PALD1: variants seen among roughly 807,000 people sequenced by gnomAD.
PALD1 encodes the protein phosphatase domain containing paladin 1, also known as paladin.
In PALD1, 57 loss-of-function variants were observed where a neutral mutation model predicts 96.0. The observed-to-expected ratio is 0.59, with a 90% CI of 0.48 to 0.74. The LOEUF is 0.74. Ranked by LOEUF, PALD1 falls within the 30% of genes least tolerant of loss-of-function variation. The probability of loss-of-function intolerance (pLI) is 0.00; values close to 1 mark genes in which losing one functional copy is unlikely to be tolerated. For missense variants in PALD1, 1,063 were observed against 1,143.7 expected (o/e 0.93, Z 1.02); for synonymous variants, 464 against 473.6 (o/e 0.98, Z 0.26).
At chr10:70,515,191 G>A (rs919532665) in intron 1 of PALD1, among the ~76,000 whole-genome samples, 1 of 152,146 alleles carries the variant, frequency 6.6e-6, no homozygotes, top group African/African-American at 2.4e-5. Flanking sequence ...TCAGTCAGGT[G>A]CTAGTGGCCC....
chr10:70,526,134 C>T lies in PALD1; in HGVS notation c.183C>T (p.Ile61=), dbSNP rs755118373. 1 of 1,613,398 alleles carries T rather than the reference C, an allele frequency of 6.2e-7. No individual in the cohort carries two copies. The highest frequency in any genetic ancestry group is 1.3e-5 in the African/African-American group (1 of 74,928). ...CCAACAAGGTGGCCCCTGTTGTGAT[C>T]ACGTGAGTGGCAGGGGGAGTGTGCC... ...IIPNKVAPVV[I]TYNCKEEFQI... is the part of the protein sequence containing the mutation. Residue 61 remains isoleucine (I), a splice_region_variant and synonymous_variant, in exon 2 of 20, where the codon ATC becomes ATT. Transcript: ENST00000263563.
intron 18 of PALD1, among the ~76,000 whole-genome samples, chr10:70,552,597 C>A (rs1261238497): frequency 6.6e-6 from 1 of 150,482 alleles, no homozygotes; most frequent in Non-Finnish European, 1.5e-5. Flanking sequence ...TCAAGCCCTC[C>A]GAGCTCTCAC....
intron 11 of PALD1, 67 bp downstream of exon 11, chr10:70,537,973 T>C: frequency 8.5e-7 from 1 of 1,173,120 alleles, no homozygotes; most frequent in East Asian, 2.4e-5. Flanking sequence ...CCCACCGCAG[T>C]GACTGGCTTG....
In PALD1 at chr10:70,533,126, G is replaced by A. The variant is rs1325586197; in HGVS notation, c.870+56G>A. The A allele has an allele frequency of 2.1e-6, 3 of 1,405,306 alleles. No individual in the cohort carries two copies. In the African/African-American group the frequency reaches 4.3e-5, roughly 20 times the overall value. 87.1% of individuals were successfully genotyped at this position (1,405,306 alleles called of 1,614,324 possible). On this transcript the variant is annotated intron_variant, in intron 7 of 19. Coordinates refer to ENST00000263563, the MANE Select transcript of PALD1 (RefSeq NM_014431.3). Reference sequence around the variant, plus strand: ...GAGTCTTGAGAGTCGTCCCCATGGAGGTGCTCAGGGTGGGCACAGCCTCTC... The same window carrying A: ...GAGTCTTGAGAGTCGTCCCCATGGAAGTGCTCAGGGTGGGCACAGCCTCTC...
At chr10:70,514,480 A>T (rs190975535) in intron 1 of PALD1, among the ~76,000 whole-genome samples, 1 of 152,206 alleles carries the variant, frequency 6.6e-6, no homozygotes, top group Non-Finnish European at 1.5e-5. Flanking sequence ...TAACATTTAG[A>T]TTGGACTCTT....
chr10:70,549,979 C>G (rs77430910), intron 18 of PALD1, among the ~76,000 whole-genome samples: 1,524 of 152,320 alleles, frequency 0.01, 24 homozygotes, highest in African/African-American at 0.034. Flanking sequence ...GACACAGATC[C>G]CTGAGCCCCA....
At chr10:70,501,313 C>T (rs1846290579) in intron 1 of PALD1, among the ~76,000 whole-genome samples, 1 of 152,194 alleles carries the variant, frequency 6.6e-6, no homozygotes, top group African/African-American at 2.4e-5. Context: ...TCTCGGCCTC[C>T]CTGGGCCTCC....
intron 19 of PALD1, among the ~76,000 whole-genome samples, chr10:70,565,796 A>G (rs1847836076): frequency 6.6e-6 from 1 of 151,996 alleles, no homozygotes. Context: ...GTGGAGGTGG[A>G]AGGGGATGAG....
chr10:70,481,465 A>G (rs189999229), intron 1 of PALD1, among the ~76,000 whole-genome samples: 148 of 152,330 alleles, frequency 9.7e-4, no homozygotes, highest in African/African-American at 3.3e-3. Flanking sequence ...ACTCAGAGTC[A>G]TTTGGCCTCT....
At chr10:70,504,404 T>C (rs1846349817) in intron 1 of PALD1, among the ~76,000 whole-genome samples, 1 of 152,152 alleles carries the variant, frequency 6.6e-6, no homozygotes. Flanking sequence ...ATGCCTGTGA[T>C]CTCAGCTACT....
chr10:70,499,697 G>A (rs558475334), intron 1 of PALD1, among the ~76,000 whole-genome samples: 3 of 152,324 alleles, frequency 2.0e-5, no homozygotes, highest in Admixed American at 2.0e-4. Flanking sequence ...TCCCCTGCCC[G>A]AAGCTGCCCG....
intron 1 of PALD1, among the ~76,000 whole-genome samples, chr10:70,486,989 A>G (rs1846024766): frequency 6.6e-6 from 1 of 152,108 alleles, no homozygotes; most frequent in Admixed American, 6.6e-5. Flanking sequence ...GGCCCTCCCT[A>G]GAGACGAGCC....
chr10:70,565,973 A>G (rs562327731), intron 19 of PALD1, among the ~76,000 whole-genome samples: 78 of 152,284 alleles, frequency 5.1e-4, no homozygotes, highest in Admixed American at 2.0e-3. Flanking sequence ...TCGGGACCTC[A>G]GCCCCTCTCT....
At chr10:70,533,864 G>A in intron 7 of PALD1, 58 bp from the exon 8 acceptor site, 1 of 1,461,132 alleles carries the variant, frequency 6.8e-7, no homozygotes, top group Non-Finnish European at 9.2e-7. Context: ...TCCCTGCTCA[G>A]GCCTCAGCCC....
At position 70,539,712 on chromosome 10, in the gene PALD1, C is replaced by A. The variant is rs200497461; in HGVS notation, c.1858C>A (p.Leu620Ile). The A allele has an allele frequency of 6.2e-7, 1 of 1,613,406 alleles. No individual in the cohort carries two copies. The highest frequency in any genetic ancestry group is 8.5e-7 in the Non-Finnish European group (1 of 1,179,732). ...FSQHRRACPGLTYHRIPMPDF... is the reference protein window; with the variant it reads ...FSQHRRACPGITYHRIPMPDF... The stretch of plus-strand genomic sequence containing the variant: ...CCAGCACCGCAGGGCCTGTCCTGGC[C>A]TCACCTACCACCGCATCCCCATGCC... The change falls in exon 15 of 20, where the codon CTC (leucine) becomes ATC (isoleucine). Residue 620 changes from leucine (L) to isoleucine (I), a missense_variant. By Grantham distance (5) the Leu-to-Ile change is conservative (BLOSUM62 2). Transcript: ENST00000263563. This position sits in a 1 kb window ranked among gnomAD's most constrained non-coding sequence, Gnocchi z 4.5.
intron 1 of PALD1, among the ~76,000 whole-genome samples, chr10:70,502,381 T>A (rs889904420): frequency 6.6e-6 from 1 of 152,166 alleles, no homozygotes; most frequent in Non-Finnish European, 1.5e-5. Context: ...CAAGCACTGT[T>A]GATGTGAAAG....
chr10:70,555,065 A>G (rs547122722), intron 18 of PALD1, among the ~76,000 whole-genome samples: 3 of 129,666 alleles, frequency 2.3e-5, no homozygotes, highest in South Asian at 5.6e-4. Flanking sequence ...TCTGCCTCCC[A>G]GGTTCAAGTG....
intron 1 of PALD1, 72 bp from the exon 2 acceptor site, chr10:70,525,851 G>C: frequency 1.7e-6 from 2 of 1,203,238 alleles, no homozygotes; most frequent in Non-Finnish European, 2.4e-6. Flanking sequence ...GGTGGAGGGC[G>C]AGAGGTGGGT....
In PALD1 at chr10:70,526,050, C is replaced by T; in HGVS notation, c.99C>T (p.Val33=). 6.2e-7 allele frequency: 1 copy of T among 1,614,180 alleles called. No homozygotes were observed. The highest frequency in any genetic ancestry group is 8.5e-7 in the Non-Finnish European group (1 of 1,180,000). Residue 33 remains valine (V), a synonymous_variant, in exon 2 of 20, where the codon GTC becomes GTT. Coordinates refer to ENST00000263563, the MANE Select transcript of PALD1 (RefSeq NM_014431.3). ...GSGTMDSRHS[V]SIHSFQSTSL... ...GCACGATGGACAGTCGGCACTCCGT[C>T]AGCATCCACTCCTTCCAGAGCACTA...
Sources: gnomAD v4.1 joint callset for allele counts (sites outside exome capture counted in the v4.1 genomes callset) on GRCh38, gnomAD v4.1.1 for gene constraint, Gnocchi (gnomAD v3.1) non-coding constraint, MANE v1.5 for transcripts, NCBI Gene and HGNC (gene_info 2026-07-23, HGNC 2026-07-21) for gene names.